PPFIA2: variants seen among roughly 807,000 people sequenced by gnomAD.
PPFIA2 encodes the protein liprin-alpha-2.
In PPFIA2, 46 loss-of-function variants were observed where a neutral mutation model predicts 175.5. That is an observed-to-expected ratio of 0.26 (90% CI 0.21 to 0.34). The LOEUF (loss-of-function observed/expected upper bound fraction) is 0.34. Among genes scored for constraint, PPFIA2 ranks in the 10% least tolerant of loss-of-function variants. PPFIA2 has a pLI of 1.00. For missense variants in PPFIA2, 1,179 were observed against 1,506.1 expected (o/e 0.78, Z 3.60); for synonymous variants, 568 against 511.4 (o/e 1.11, Z -1.49).
At chr12:81,458,300 A>G (rs976728556) in intron 4 of PPFIA2, among the ~76,000 whole-genome samples, 20 of 152,104 alleles carry the variant, frequency 1.3e-4, no homozygotes, top group Non-Finnish European at 4.4e-5. Flanking sequence ...TTTGAAATTA[A>G]CAAATTTATT....
intron 4 of PPFIA2, among the ~76,000 whole-genome samples, chr12:81,631,786 G>A (rs766449500): frequency 2.0e-5 from 3 of 152,110 alleles, no homozygotes; most frequent in Non-Finnish European, 2.9e-5. Flanking sequence ...ACTTACAGTC[G>A]CCAAACACCT....
chr12:81,305,387 A>G (rs1043152575), intron 22 of PPFIA2, among the ~76,000 whole-genome samples: 2 of 152,160 alleles, frequency 1.3e-5, no homozygotes, highest in African/African-American at 4.8e-5. Flanking sequence ...CTCAGTAAAC[A>G]TATTTATTAG....
At position 81,259,420 on chromosome 12, in the gene PPFIA2, C is replaced by G. The variant is rs958434776; in HGVS notation, c.*274G>C. 2.3e-5 allele frequency: 15 copies of G among 659,618 alleles called. No individual in the cohort carries two copies. The highest frequency in any genetic ancestry group is 3.6e-5 in the Non-Finnish European group (13 of 365,618). 40.9% of individuals were successfully genotyped at this position (659,618 alleles called of 1,614,324 possible). A position where few individuals can be genotyped will look rare whatever the true frequency, so the allele number is the denominator to read the frequency against. The stretch of plus-strand genomic sequence containing the variant: ...AACTGGCTTCATTTCATAAAAGCAT[C>G]TGTTGTACAGAGTTTATGATGTAGA... On this transcript the variant is annotated 3_prime_UTR_variant, in exon 33 of 33. Coordinates refer to ENST00000549396, the MANE Select transcript of PPFIA2 (RefSeq NM_003625.5).
rs1009192276 is a variant in PPFIA2 at position 81,680,333 on chromosome 12, T to C, written c.250-3489A>G. 2.0e-5 allele frequency among the ~76,000 whole-genome samples: 3 copies of C among 151,974 alleles called. No individual in the cohort carries two copies. In the East Asian group the frequency reaches 5.8e-4, roughly 30 times the overall value. Reference sequence around the variant, plus strand: ...ACATTAATGCCATAATAAACTTATGTTAGTTAATTATTTTCTCACTTAAAA... The same window carrying C: ...ACATTAATGCCATAATAAACTTATGCTAGTTAATTATTTTCTCACTTAAAA... On this transcript the variant is annotated intron_variant, in intron 3 of 32. Transcript: ENST00000549396.
At chr12:81,585,788 A>C (rs2075225496) in intron 4 of PPFIA2, among the ~76,000 whole-genome samples, 1 of 151,944 alleles carries the variant, frequency 6.6e-6, no homozygotes, top group Non-Finnish European at 1.5e-5. Flanking sequence ...TTGTATAGTA[A>C]ATGTATAATC....
intron 4 of PPFIA2, among the ~76,000 whole-genome samples, chr12:81,662,748 A>C (rs958755408): frequency 9.2e-5 from 14 of 152,168 alleles, no homozygotes; most frequent in African/African-American, 3.4e-4. Flanking sequence ...GACACAACAA[A>C]AAAAAGAGAA....
intron 4 of PPFIA2, among the ~76,000 whole-genome samples, chr12:81,462,604 ATAT>A (rs1566933834): frequency 1.5e-4 from 21 of 142,012 alleles, no homozygotes; most frequent in African/African-American, 4.1e-4. Flanking sequence ...ATATATATAT[ATAT>A]AATATAGCGA....
At chr12:81,703,077 A>G (rs1466434438) in intron 3 of PPFIA2, among the ~76,000 whole-genome samples, 1 of 152,062 alleles carries the variant, frequency 6.6e-6, no homozygotes, top group African/African-American at 2.4e-5. Flanking sequence ...TGTTCCCCAG[A>G]GTTCAGTCCA....
intron 4 of PPFIA2, among the ~76,000 whole-genome samples, chr12:81,662,046 A>G (rs1397593430): frequency 6.6e-6 from 1 of 152,168 alleles, no homozygotes; most frequent in African/African-American, 2.4e-5. Context: ...ACACATTTAA[A>G]GCAATGTGTA....
chr12:81,457,946 G>T, intron 4 of PPFIA2, 80 bp from the exon 5 acceptor site: 1 of 940,394 alleles, frequency 1.1e-6, no homozygotes, highest in Non-Finnish European at 1.6e-6. Flanking sequence ...ATTTCAAAAT[G>T]AAAAGAATGG....
chr12:81,436,162 T>G (rs896312956), intron 7 of PPFIA2, among the ~76,000 whole-genome samples: 3 of 150,952 alleles, frequency 2.0e-5, no homozygotes, highest in African/African-American at 7.3e-5. Flanking sequence ...GCAACTGTAG[T>G]CCCAGCTACT....
intron 3 of PPFIA2, among the ~76,000 whole-genome samples, chr12:81,741,801 A>T (rs2082356531): frequency 6.6e-6 from 1 of 152,178 alleles, no homozygotes; most frequent in Non-Finnish European, 1.5e-5. Flanking sequence ...GAGAAAAGTA[A>T]GATAAAGAAA....
At chr12:81,570,297 GATA>G (rs1012273655) in intron 4 of PPFIA2, among the ~76,000 whole-genome samples, 6 of 152,052 alleles carry the variant, frequency 3.9e-5, no homozygotes, top group African/African-American at 1.2e-4. Flanking sequence ...CTCAAATGTT[GATA>G]ATATTTTTTT....
At chr12:81,660,345 T>A (rs984904618) in intron 4 of PPFIA2, among the ~76,000 whole-genome samples, 1 of 152,074 alleles carries the variant, frequency 6.6e-6, no homozygotes, top group African/African-American at 2.4e-5. Flanking sequence ...TGCAGAGAAA[T>A]CCTTAAAGGA....
At chr12:81,641,880 C>T (rs2065015194) in intron 4 of PPFIA2, among the ~76,000 whole-genome samples, 1 of 152,156 alleles carries the variant, frequency 6.6e-6, no homozygotes, top group Non-Finnish European at 1.5e-5. Flanking sequence ...CTTATCCATT[C>T]AGGAAAACTC....
intron 4 of PPFIA2, among the ~76,000 whole-genome samples, chr12:81,675,068 G>A (rs572163434): frequency 1.3e-5 from 2 of 151,932 alleles, no homozygotes; most frequent in Admixed American, 1.3e-4. Flanking sequence ...GAAAACGTAA[G>A]TATAAAATAA....
chr12:81,571,487 C>T (rs1439433598), intron 4 of PPFIA2, among the ~76,000 whole-genome samples: 3 of 152,020 alleles, frequency 2.0e-5, no homozygotes, highest in Non-Finnish European at 4.4e-5. Flanking sequence ...GAAGCAGACT[C>T]CTTGGGTTGA....
At chr12:81,318,161 TC>T (rs2052829946) in intron 22 of PPFIA2, among the ~76,000 whole-genome samples, 1 of 151,650 alleles carries the variant, frequency 6.6e-6, no homozygotes, top group Non-Finnish European at 1.5e-5. Context: ...TACCACATAT[TC>T]CTATTTCTAC....
At chr12:81,328,374 A>T (rs1359938007) in intron 21 of PPFIA2, among the ~76,000 whole-genome samples, 7 of 152,220 alleles carry the variant, frequency 4.6e-5, no homozygotes, top group Non-Finnish European at 1.0e-4. Flanking sequence ...CCTAATTCAG[A>T]TGATGTATTG....
Sources: gnomAD v4.1 joint callset for allele counts (sites outside exome capture counted in the v4.1 genomes callset) on GRCh38, gnomAD v4.1.1 for gene constraint, MANE v1.5 for transcripts, NCBI Gene and HGNC (gene_info 2026-07-23, HGNC 2026-07-21) for gene names.